NTRK2: variants seen among roughly 807,000 people sequenced by gnomAD.
The protein encoded by NTRK2 is BDNF/NT-3 growth factors receptor.
A neutral mutation model predicts 94.5 loss-of-function variants in NTRK2; 13 were observed. That is an observed-to-expected ratio of 0.14 (90% CI 0.09 to 0.22). NTRK2 has a LOEUF of 0.22. Among genes scored for constraint, NTRK2 ranks in the 10% least tolerant of loss-of-function variants. The pLI is 1.00. For synonymous variants in NTRK2, 372 were observed against 407.4 expected (o/e 0.91, Z 1.05); for missense variants, 639 against 1,071.2 (o/e 0.60, Z 5.63).
chr9:84,815,215 T>C (rs1299631121), intron 12 of NTRK2: 1 of 1,057,008 alleles, frequency 9.5e-7, no homozygotes, highest in African/African-American at 1.7e-5. Context: ...CAGGCTAGTG[T>C]TGCAGTATAG....
chr9:84,671,271 T>A (rs931326722), intron 2 of NTRK2, among the ~76,000 whole-genome samples: 7 of 152,238 alleles, frequency 4.6e-5, no homozygotes, highest in African/African-American at 1.7e-4. Flanking sequence ...GCTTTAGGCT[T>A]TCAGTATGCA....
intron 14 of NTRK2, among the ~76,000 whole-genome samples, chr9:84,923,433 G>T (rs2077634572): frequency 1.3e-5 from 2 of 152,134 alleles, no homozygotes; most frequent in African/African-American, 4.8e-5. Flanking sequence ...GCACAGAGAA[G>T]ATACTCCATA....
At chr9:84,703,920 C>G (rs1190516422) in intron 4 of NTRK2, among the ~76,000 whole-genome samples, 1 of 152,166 alleles carries the variant, frequency 6.6e-6, no homozygotes, top group Non-Finnish European at 1.5e-5. Context: ...AAGAAAAAGG[C>G]AAAATGCTCT....
At chr9:84,770,223 A>T (rs2066420909) in intron 12 of NTRK2, among the ~76,000 whole-genome samples, 1 of 151,368 alleles carries the variant, frequency 6.6e-6, no homozygotes, top group South Asian at 2.1e-4. Context: ...GCTGGGAGTT[A>T]AGTGCCTTCC....
chr9:85,002,255 T>A (rs913917087), intron 17 of NTRK2, among the ~76,000 whole-genome samples: 2 of 152,180 alleles, frequency 1.3e-5, no homozygotes, highest in Non-Finnish European at 2.9e-5. Context: ...GTTGACAATT[T>A]CTGAAGACCC....
chr9:84,937,854 C>T (rs1394848424), intron 15 of NTRK2, among the ~76,000 whole-genome samples: 1 of 152,212 alleles, frequency 6.6e-6, no homozygotes, highest in African/African-American at 2.4e-5. Context: ...TCCAAAGCTG[C>T]AATTCCTATA....
At chr9:84,755,971 GC>G (rs1316141752) in intron 12 of NTRK2, among the ~76,000 whole-genome samples, 1 of 152,052 alleles carries the variant, frequency 6.6e-6, no homozygotes, top group East Asian at 1.9e-4. Context: ...CTGTCCTATT[GC>G]TTTTTTGGTT....
At chr9:84,913,894 C>A (rs1009456934) in intron 14 of NTRK2, among the ~76,000 whole-genome samples, 2 of 151,530 alleles carry the variant, frequency 1.3e-5, no homozygotes, top group Non-Finnish European at 2.9e-5. Flanking sequence ...TTTGCCATAT[C>A]TTCTTTTTTT....
At chr9:84,689,644 C>G (rs934979264) in intron 2 of NTRK2, among the ~76,000 whole-genome samples, 4 of 152,028 alleles carry the variant, frequency 2.6e-5, no homozygotes, top group Admixed American at 2.6e-4. Flanking sequence ...ATAAAGTTTG[C>G]CATTTTAACC....
chr9:84,926,263 A>G (rs2077815963), intron 14 of NTRK2, among the ~76,000 whole-genome samples: 1 of 133,616 alleles, frequency 7.5e-6, no homozygotes, highest in Non-Finnish European at 1.6e-5. Context: ...ATGGAGTTTC[A>G]CTCTTGTTGC....
At chr9:84,982,285 A>C (rs1451112006) in intron 17 of NTRK2, among the ~76,000 whole-genome samples, 1 of 152,186 alleles carries the variant, frequency 6.6e-6, no homozygotes, top group Non-Finnish European at 1.5e-5. Flanking sequence ...ACTGAGAATG[A>C]GCCGAGGAGG....
chr9:84,822,774 T>C (rs577868967), intron 12 of NTRK2, among the ~76,000 whole-genome samples: 1 of 152,312 alleles, frequency 6.6e-6, no homozygotes, highest in African/African-American at 2.4e-5. Context: ...CTCTCACTCA[T>C]TGGCTCTGGA....
At chr9:84,789,697 T>G in intron 12 of NTRK2, among the ~76,000 whole-genome samples, 1 of 152,206 alleles carries the variant, frequency 6.6e-6, no homozygotes. Flanking sequence ...CTCTGCAGCC[T>G]TATCCATTCT....
chr9:85,008,790 C>T (rs562622470), intron 17 of NTRK2, among the ~76,000 whole-genome samples: 56 of 152,254 alleles, frequency 3.7e-4, no homozygotes, highest in Admixed American at 2.1e-3. Flanking sequence ...CCTTCAGGAT[C>T]GTGCAGTGGA....
At chr9:85,019,413 A>G (rs1832586657) in intron 17 of NTRK2, among the ~76,000 whole-genome samples, 1 of 152,208 alleles carries the variant, frequency 6.6e-6, no homozygotes, top group African/African-American at 2.4e-5. Flanking sequence ...AAACCTGGAA[A>G]TGAGCTTCCT....
chr9:84,812,060 A>AT (rs1222159516), intron 12 of NTRK2: 28 of 1,059,554 alleles, frequency 2.6e-5, no homozygotes, highest in African/African-American at 6.6e-5. Context: ...TTAAAAATTT[A>AT]TTTTTTTTGG....
Position 85,021,245 on chromosome 9 carries a change from C to A in NTRK2, c.2332-7C>A. Reference sequence around the variant, plus strand: ...CCTGTCTCATCCTATCTTTGATCTCCATCCAGGTGATAGAGTGTATCACTC... The same window carrying A: ...CCTGTCTCATCCTATCTTTGATCTCAATCCAGGTGATAGAGTGTATCACTC... On this transcript the variant is annotated splice_polypyrimidine_tract_variant and splice_region_variant and intron_variant, in intron 18 of 18. Coordinates refer to ENST00000277120, the MANE Select transcript of NTRK2 (RefSeq NM_006180.6). 1 of 1,613,350 alleles carries A rather than the reference C, an allele frequency of 6.2e-7. No individual in the cohort carries two copies. Among genetic ancestry groups the A allele is most frequent in the Non-Finnish European group, 8.5e-7 (1 of 1,179,398 alleles).
chr9:84,982,944 T>C (rs1045669002), intron 17 of NTRK2, among the ~76,000 whole-genome samples: 2 of 152,056 alleles, frequency 1.3e-5, no homozygotes, highest in Non-Finnish European at 2.9e-5. Context: ...CTTAGAGCAG[T>C]GGTGGATTTT....
intron 11 of NTRK2, among the ~76,000 whole-genome samples, chr9:84,748,393 G>A (rs2064282528): frequency 6.6e-6 from 1 of 152,254 alleles, no homozygotes; most frequent in Non-Finnish European, 1.5e-5. Context: ...CTTTTCAGCA[G>A]TAGAGCCCAC....
Sources: allele counts gnomAD v4.1 joint callset (sites outside exome capture counted in the v4.1 genomes callset), GRCh38; gene constraint gnomAD v4.1.1; transcripts MANE v1.5; gene names NCBI Gene and HGNC (gene_info 2026-07-23, HGNC 2026-07-21).